The following KCNH5 variants were observed in gnomAD, a reference collection of about 807,000 sequenced individuals.
KCNH5 encodes the protein potassium voltage-gated channel subfamily H member 5.
In KCNH5, 46 loss-of-function variants were observed where a neutral mutation model predicts 96.1. The ratio of observed to expected loss-of-function variants is 0.48; its 90% CI spans 0.38 to 0.61. The LOEUF is 0.61. Among genes scored for constraint, KCNH5 ranks in the 20% least tolerant of loss-of-function variants. The pLI is 0.00. For synonymous variants in KCNH5, 439 were observed against 449.8 expected (o/e 0.98, Z 0.30); for missense variants, 907 against 1,225.8 (o/e 0.74, Z 3.88).
At chr14:63,012,116 C>G (rs1891240215) in intron 2 of KCNH5, among the ~76,000 whole-genome samples, 1 of 152,200 alleles carries the variant, frequency 6.6e-6, no homozygotes, top group Non-Finnish European at 1.5e-5. Context: ...CCTACCTAAT[C>G]TATGACAGTA....
chr14:62,884,622 T>C lies in KCNH5; in HGVS notation c.1370-34770A>G, dbSNP rs1888559944. On this transcript the variant is annotated intron_variant, in intron 7 of 10. Coordinates refer to ENST00000322893, the MANE Select transcript of KCNH5 (RefSeq NM_139318.5). ...GCCTGGGCGAGAGAATAAGACTCTGTCTCAAAAAAAGAAAGAAAGAAAAAA... is the reference window on the plus strand; with the variant it reads ...GCCTGGGCGAGAGAATAAGACTCTGCCTCAAAAAAAGAAAGAAAGAAAAAA... Among the ~76,000 whole-genome samples, 4 of 152,004 alleles carry C rather than the reference T, an allele frequency of 2.6e-5. No homozygotes were observed. The South Asian group carries it at 8.3e-4, about 32-fold the overall frequency.
chr14:62,730,785 T>C (rs942833311), intron 10 of KCNH5, among the ~76,000 whole-genome samples: 1 of 152,130 alleles, frequency 6.6e-6, no homozygotes, highest in Non-Finnish European at 1.5e-5. Context: ...TTATCTCCCA[T>C]GCAAAGACAC....
At chr14:62,951,515 G>A (rs1890005208) in intron 6 of KCNH5, among the ~76,000 whole-genome samples, 1 of 152,112 alleles carries the variant, frequency 6.6e-6, no homozygotes, top group Non-Finnish European at 1.5e-5. Context: ...CTTCCTTACT[G>A]CTAACCCTGT....
intron 4 of KCNH5, among the ~76,000 whole-genome samples, chr14:62,990,169 C>A (rs951621844): frequency 4.0e-5 from 6 of 151,848 alleles, no homozygotes; most frequent in Non-Finnish European, 7.4e-5. Flanking sequence ...ATTAAATGAT[C>A]CATAAACAAA....
chr14:62,922,562 A>G (rs1205239462), intron 7 of KCNH5, among the ~76,000 whole-genome samples: 6 of 151,966 alleles, frequency 3.9e-5, no homozygotes, highest in African/African-American at 1.4e-4. Context: ...AAATACTAGC[A>G]AACTGAATTC....
intron 7 of KCNH5, among the ~76,000 whole-genome samples, chr14:62,851,657 A>AG (rs1335245267): frequency 6.6e-6 from 1 of 152,130 alleles, no homozygotes; most frequent in Admixed American, 6.5e-5. Context: ...AAGAGAAATA[A>AG]GAAAATTTTA....
intron 7 of KCNH5, among the ~76,000 whole-genome samples, chr14:62,871,393 G>A (rs1355209240): frequency 6.6e-6 from 1 of 152,166 alleles, no homozygotes; most frequent in Non-Finnish European, 1.5e-5. Flanking sequence ...TGCTAAAGTT[G>A]TTTGGTGGGG....
At chr14:62,732,887 G>C (rs553876918) in intron 10 of KCNH5, among the ~76,000 whole-genome samples, 1 of 151,932 alleles carries the variant, frequency 6.6e-6, no homozygotes, top group South Asian at 2.1e-4. Flanking sequence ...CTCTCTTTCT[G>C]TCTCTCTCTC....
At position 62,779,936 on chromosome 14, in the gene KCNH5, T is replaced by C; in HGVS notation, c.1823-12A>G. 3 of 1,600,058 alleles carry C rather than the reference T, an allele frequency of 1.9e-6. No homozygotes were observed. The highest frequency in any genetic ancestry group is 2.6e-6 in the Non-Finnish European group (3 of 1,171,902). On this transcript the variant is annotated splice_polypyrimidine_tract_variant and intron_variant, in intron 9 of 10. Coordinates refer to ENST00000322893, the MANE Select transcript of KCNH5 (RefSeq NM_139318.5). ...TACATCACCCTTCCCTAGAAAACAG[T>C]ATAAGATACATATTCAAGTATCTAA...
intron 10 of KCNH5, among the ~76,000 whole-genome samples, chr14:62,743,610 T>TTTG (rs1885317167): frequency 6.6e-6 from 1 of 152,048 alleles, no homozygotes; most frequent in African/African-American, 2.4e-5. Context: ...TCCTGCCTCA[T>TTTG]TTGTGTAGGT....
intron 10 of KCNH5, among the ~76,000 whole-genome samples, chr14:62,747,619 T>A (rs8020611): frequency 0.058 from 8,867 of 152,262 alleles, 405 homozygotes; most frequent in East Asian, 0.24. Flanking sequence ...TCAAGTTAAA[T>A]CAACTAATGC....
At chr14:62,747,070 A>G (rs1440766913) in intron 10 of KCNH5, among the ~76,000 whole-genome samples, 1 of 152,232 alleles carries the variant, frequency 6.6e-6, no homozygotes, top group East Asian at 1.9e-4. Flanking sequence ...GCGGCGGCTC[A>G]TGCCTGTAAT....
At chr14:62,760,116 G>C (rs1885715516) in intron 10 of KCNH5, among the ~76,000 whole-genome samples, 1 of 152,084 alleles carries the variant, frequency 6.6e-6, no homozygotes, top group African/African-American at 2.4e-5. Context: ...GATTTCTCCT[G>C]CTCACCTTTG....
chr14:62,950,113 GA>G lies in KCNH5; in HGVS notation c.1369+19del. The stretch of plus-strand genomic sequence containing the variant: ...ATTGCCAATAACAATAATTTTCAAT[GA>G]AAAAATTAAAATACTTACAGCCAAC... On this transcript the variant is annotated intron_variant, in intron 7 of 10. Coordinates refer to ENST00000322893, the MANE Select transcript of KCNH5 (RefSeq NM_139318.5). 9 of 1,607,646 alleles carry G rather than the reference GA, an allele frequency of 5.6e-6. No homozygotes were observed. The highest frequency in any genetic ancestry group is 7.7e-6 in the Non-Finnish European group (9 of 1,175,272).
chr14:62,704,305 A>G lies in KCNH5; in HGVS notation c.*3203T>C, dbSNP rs367741006. The G allele has an allele frequency of 2.6e-5, 4 of 152,016 alleles. No individual in the cohort carries two copies. The highest frequency in any genetic ancestry group is 3.9e-4 in the East Asian group (2 of 5,180). 9.4% of individuals were successfully genotyped at this position (152,016 alleles called of 1,614,324 possible). ...GTCATAAAAATTTTCCATTTTAACA[A>G]TGAAGCATGGGCCTGTATTCAACCA... is the stretch of plus-strand genomic sequence containing the variant. On this transcript the variant is annotated 3_prime_UTR_variant, in exon 11 of 11. Coordinates refer to ENST00000322893, the MANE Select transcript of KCNH5 (RefSeq NM_139318.5).
Position 62,707,926 on chromosome 14 carries a change from T to C in KCNH5, c.2549A>G (p.Glu850Gly). The C allele has an allele frequency of 1.2e-6, 2 of 1,614,210 alleles. No individual in the cohort carries two copies. Among genetic ancestry groups the C allele is most frequent in the Non-Finnish European group, 1.7e-6 (2 of 1,180,030 alleles). The change falls in exon 11 of 11, where the codon GAG (glutamate) becomes GGG (glycine). Residue 850 changes from glutamate to glycine, a missense_variant. Around this residue, in one of 6 missense-constraint regions of KCNH5, gnomAD observed 362 missense variants for 394.4 expected, o/e 0.92. Transcript: ENST00000322893. ...TAGTGGGTTTTTGGTCACACTGTTC[T>C]CTGAATCACTGCTCTTGGGGTCCTC... ...LSEDPKSSDS[E>G]NSVTKNPLRK...
intron 7 of KCNH5, among the ~76,000 whole-genome samples, chr14:62,901,645 T>G (rs1888927320): frequency 6.6e-6 from 1 of 152,230 alleles, no homozygotes; most frequent in Non-Finnish European, 1.5e-5. Context: ...GCACCTAGGC[T>G]GATCAAATGT....
intron 6 of KCNH5, among the ~76,000 whole-genome samples, chr14:62,951,921 C>A (rs1232811742): frequency 2.7e-5 from 4 of 146,398 alleles, no homozygotes; most frequent in Admixed American, 1.4e-4. Context: ...CGAGATCATG[C>A]CACTGCACCC....
At chr14:62,788,429 C>T (rs1375534050) in intron 9 of KCNH5, among the ~76,000 whole-genome samples, 1 of 152,120 alleles carries the variant, frequency 6.6e-6, no homozygotes, top group Non-Finnish European at 1.5e-5. Context: ...AGTGAAGATG[C>T]CATGAACATT....
Sources: gnomAD v4.1 joint callset for allele counts (sites outside exome capture counted in the v4.1 genomes callset) on GRCh38, gnomAD v4.1.1 for gene constraint, gnomAD v4.1.1 regional missense constraint, MANE v1.5 for transcripts, NCBI Gene and HGNC (gene_info 2026-07-23, HGNC 2026-07-21) for gene names.